TMOD2: variants seen among roughly 807,000 people sequenced by gnomAD.
The protein encoded by TMOD2 is tropomodulin-2.
Under a neutral mutation model 39.9 loss-of-function variants are expected in TMOD2, and 22 were observed. The observed-to-expected ratio is 0.55, with a 90% CI of 0.39 to 0.79. The LOEUF (loss-of-function observed/expected upper bound fraction) is 0.79. Ranked by LOEUF, TMOD2 falls within the 30% of genes least tolerant of loss-of-function variation. The pLI is 0.00. For missense variants in TMOD2, 386 were observed against 413.3 expected (o/e 0.93, Z 0.57); for synonymous variants, 123 against 146.1 (o/e 0.84, Z 1.14).
At chr15:51,801,504 C>T (rs1595878720) in intron 8 of TMOD2, among the ~76,000 whole-genome samples, 2 of 152,108 alleles carry the variant, frequency 1.3e-5, no homozygotes, top group Non-Finnish European at 2.9e-5. Context: ...ACAGTTTCCT[C>T]AGGCAGAACC....
intron 1 of TMOD2, among the ~76,000 whole-genome samples, chr15:51,761,973 C>G (rs1004465413): frequency 1.3e-5 from 2 of 151,554 alleles, no homozygotes; most frequent in Non-Finnish European, 2.9e-5. Context: ...CTGTGAAACC[C>G]TGTCTCTACT....
chr15:51,766,643 G>A (rs982365875), intron 2 of TMOD2, 76 bp downstream of exon 2: 9 of 1,470,088 alleles, frequency 6.1e-6, no homozygotes, highest in Non-Finnish European at 7.4e-6. Flanking sequence ...TTAAACAATG[G>A]TAGAAATCCC....
intron 8 of TMOD2, 123 bp from the exon 9 acceptor site, chr15:51,806,254 C>T: frequency 9.4e-7 from 1 of 1,060,030 alleles, no homozygotes; most frequent in Non-Finnish European, 1.4e-6. Flanking sequence ...CTGTCCCTTT[C>T]AGTTTGAGAC....
rs932913535 is a variant in TMOD2, at chr15:51,810,591, C to T, written c.*2137C>T. 6.6e-6 allele frequency: 1 copy of T among 152,108 alleles called. No homozygotes were observed. Among genetic ancestry groups the T allele is most frequent in the African/African-American group, 2.4e-5 (1 of 41,426 alleles). 9.4% of individuals were successfully genotyped at this position (152,108 alleles called of 1,614,324 possible). A position where few individuals can be genotyped will look rare whatever the true frequency, so the allele number is the denominator to read the frequency against. On this transcript the variant is annotated 3_prime_UTR_variant, in exon 10 of 10. Transcript: ENST00000249700. ...GGTTGATAAACATTCATCAGCACAC[C>T]ACTGGGTGAAATTATACATTTTTTT...
rs187078290 is a variant in TMOD2, at chr15:51,767,377, G to A, written c.126+810G>A. Among the ~76,000 whole-genome samples the A allele has an allele frequency of 2.0e-5, 3 of 152,216 alleles. No individual in the cohort carries two copies. The East Asian group carries it at 5.8e-4, about 29-fold the overall frequency. On this transcript the variant is annotated intron_variant, in intron 2 of 9. Coordinates refer to ENST00000249700, the MANE Select transcript of TMOD2 (RefSeq NM_014548.4). ...CATTTCTTTCAAATGCACAAATAAT[G>A]TGAACTCTTTGATGAACTTATAACA...
In TMOD2 at chr15:51,813,202, T is replaced by C. The variant is rs1361194579; in HGVS notation, c.*4748T>C. On this transcript the variant is annotated 3_prime_UTR_variant, in exon 10 of 10. Transcript: ENST00000249700. ...AAATTAAAGGTTTACATTTGTTTAA[T>C]GGCAGAACTGAGATTTGCTCAGCTT... 1.3e-5 allele frequency: 2 copies of C among 152,252 alleles called. No individual in the cohort carries two copies. The highest frequency in any genetic ancestry group is 2.4e-5 in the African/African-American group (1 of 41,466). The allele number at this position is 152,252 out of a possible 1,614,324, so 9.4% of individuals were successfully genotyped here. A position where few individuals can be genotyped will look rare whatever the true frequency, so the allele number is the denominator to read the frequency against.
chr15:51,798,379 G>GGT, intron 8 of TMOD2, 39 bp downstream of exon 8: 2 of 1,604,626 alleles, frequency 1.2e-6, no homozygotes, highest in East Asian at 2.2e-5. Flanking sequence ...CAACTCACAG[G>GGT]GTGTGCAGTG....
At chr15:51,797,398 C>CT (rs1197980204) in intron 7 of TMOD2, among the ~76,000 whole-genome samples, 1 of 152,172 alleles carries the variant, frequency 6.6e-6, no homozygotes, top group Non-Finnish European at 1.5e-5. Flanking sequence ...TAAGGCGGTT[C>CT]TTTAAGGAAT....
chr15:51,794,428 T>C (rs2056033992), intron 7 of TMOD2, among the ~76,000 whole-genome samples: 1 of 152,198 alleles, frequency 6.6e-6, no homozygotes, highest in Admixed American at 6.5e-5. Context: ...CTTTATGACT[T>C]TAATTAAAGT....
At position 51,791,985 on chromosome 15, in the gene TMOD2, C is replaced by T. The variant is rs181968814; in HGVS notation, c.733-6212C>T. ...TCTAAAACACCAAAAGCAATGGCAACGCAACAAAAGCCAAAATTGACAAGT... is the reference window on the plus strand; with the variant it reads ...TCTAAAACACCAAAAGCAATGGCAATGCAACAAAAGCCAAAATTGACAAGT... On this transcript the variant is annotated intron_variant, in intron 7 of 9. Coordinates refer to ENST00000249700, the MANE Select transcript of TMOD2 (RefSeq NM_014548.4). Among the ~76,000 whole-genome samples, 49 of 152,008 alleles carry T rather than the reference C, an allele frequency of 3.2e-4. 1 individual carries two copies. Among genetic ancestry groups the T allele is most frequent in the South Asian group, 1.0e-3 (5 of 4,814 alleles).
chr15:51,757,745 G>A (rs2055752446), intron 1 of TMOD2, among the ~76,000 whole-genome samples: 1 of 152,218 alleles, frequency 6.6e-6, no homozygotes, highest in African/African-American at 2.4e-5. Context: ...GGAGCCCTTG[G>A]GCAGCCTTGG....
rs2056122573 is a variant in TMOD2, at chr15:51,806,515, G to A, written c.1015G>A (p.Asp339Asn). Residue 339 changes from aspartate to asparagine, a missense_variant, in exon 9 of 10, where the codon GAC becomes AAC. By Grantham distance (23) the Asp-to-Asn change is conservative (BLOSUM62 1). Coordinates refer to ENST00000249700, the MANE Select transcript of TMOD2 (RefSeq NM_014548.4). ...GGCAGCTGCCATCACAAAGAATAAT[G>A]ACCTGGGTAATTCAGCCATAATATT... The part of the protein sequence containing the change: ...RVAAAITKNN[D>N]LVRKKRVEAD... The A allele has an allele frequency of 1.2e-6, 2 of 1,614,116 alleles. No individual in the cohort carries two copies. Among genetic ancestry groups the A allele is most frequent in the Non-Finnish European group, 1.7e-6 (2 of 1,180,000 alleles).
intron 1 of TMOD2, among the ~76,000 whole-genome samples, chr15:51,759,623 A>C (rs2055765320): frequency 6.6e-6 from 1 of 152,194 alleles, no homozygotes; most frequent in Admixed American, 6.5e-5. Flanking sequence ...TTCAGCTCTG[A>C]CATTCTGTGG....
chr15:51,753,605 G>T (rs539488554), intron 1 of TMOD2, among the ~76,000 whole-genome samples: 1 of 152,178 alleles, frequency 6.6e-6, no homozygotes, highest in South Asian at 2.1e-4. Flanking sequence ...AATATGGATT[G>T]CATGTTAGAT....
At chr15:51,791,158 C>T (rs1308198326) in intron 7 of TMOD2, among the ~76,000 whole-genome samples, 1 of 152,206 alleles carries the variant, frequency 6.6e-6, no homozygotes, top group East Asian at 1.9e-4. Context: ...TCAGCAAAGT[C>T]TCAGGATATA....
chr15:51,805,028 G>T (rs1361640065), intron 8 of TMOD2, among the ~76,000 whole-genome samples: 1 of 149,438 alleles, frequency 6.7e-6, no homozygotes, highest in East Asian at 2.0e-4. Flanking sequence ...GCGCGATCTT[G>T]GCCCACTGCA....
intron 7 of TMOD2, among the ~76,000 whole-genome samples, chr15:51,790,125 G>A (rs977321679): frequency 6.6e-6 from 1 of 151,942 alleles, no homozygotes; most frequent in Admixed American, 6.6e-5. Flanking sequence ...TAACAAAGAA[G>A]AAAAGAGAGA....
intron 1 of TMOD2, among the ~76,000 whole-genome samples, chr15:51,762,502 C>G (rs956074943): frequency 6.6e-6 from 1 of 152,132 alleles, no homozygotes; most frequent in Non-Finnish European, 1.5e-5. Flanking sequence ...GAGCTGTTTT[C>G]GACTTCCACA....
At chr15:51,803,337 T>A (rs969880745) in intron 8 of TMOD2, among the ~76,000 whole-genome samples, 4 of 151,998 alleles carry the variant, frequency 2.6e-5, no homozygotes, top group Non-Finnish European at 5.9e-5. Flanking sequence ...CATGCCACCA[T>A]CCCCTGCTAA....
Sources: gnomAD v4.1 joint callset for allele counts (sites outside exome capture counted in the v4.1 genomes callset) on GRCh38, gnomAD v4.1.1 for gene constraint, MANE v1.5 for transcripts, NCBI Gene and HGNC (gene_info 2026-07-23, HGNC 2026-07-21) for gene names.